Variants in KIF9 observed in about 807,000 individuals in gnomAD.
The protein encoded by KIF9 is kinesin-like protein KIF9.
KIF9 carries 68 observed loss-of-function variants against 94.8 expected under a neutral mutation model. The observed-to-expected ratio is 0.72, with a 90% CI of 0.59 to 0.88. The LOEUF is 0.88. KIF9 is among the 40% of genes least tolerant of loss of function. The pLI, the probability that KIF9 is intolerant of heterozygous loss-of-function variation, is 0.00. For missense variants in KIF9, 882 were observed against 982.5 expected, an observed-to-expected ratio of 0.90 and a Z score of 1.37; for synonymous variants, 343 against 362.1, an observed-to-expected ratio of 0.95 and a Z score of 0.60.
chr3:47,272,441 T>C (rs1701707807), intron 4 of KIF9, among the ~76,000 whole-genome samples: 1 of 152,218 alleles, frequency 6.6e-6, no homozygotes, highest in Admixed American at 6.5e-5. Context: ...TAAGTATGTC[T>C]GGAACAACTT....
intron 1 of KIF9, among the ~76,000 whole-genome samples, chr3:47,280,466 G>A (rs1702257957): frequency 6.6e-6 from 1 of 152,250 alleles, no homozygotes; most frequent in South Asian, 2.1e-4. Context: ...CAGCCTTTGG[G>A]AGGCCAATGT....
intron 20 of KIF9, among the ~76,000 whole-genome samples, chr3:47,230,968 G>A (rs1208247860): frequency 6.6e-6 from 1 of 152,102 alleles, no homozygotes; most frequent in South Asian, 2.1e-4. Context: ...CAACCCAGGG[G>A]GCAGAGGCTG....
At chr3:47,281,076 T>A in intron 1 of KIF9, 1 of 702,294 alleles carries the variant, frequency 1.4e-6, no homozygotes. Context: ...CCCCTCACAA[T>A]GTCCAGGGCA....
intron 1 of KIF9, among the ~76,000 whole-genome samples, chr3:47,280,365 G>T (rs772030231): frequency 1.3e-5 from 2 of 152,136 alleles, no homozygotes; most frequent in South Asian, 4.1e-4. Context: ...AGGTGCCCAG[G>T]CCTCTCTCCC....
chr3:47,282,794 G>A lies in KIF9; in HGVS notation c.-305C>T. On this transcript the variant is annotated 5_prime_UTR_variant, in exon 1 of 21. Coordinates refer to ENST00000684063, the MANE Select transcript of KIF9 (RefSeq NM_182902.4). The stretch of plus-strand genomic sequence containing the variant: ...GGGAACGAAGGCCGCACATGAACCA[G>A]GAAGCGGAGTGGCGGGGCTTCCGGC... 2.1e-6 allele frequency: 3 copies of A among 1,433,472 alleles called. No homozygotes were observed. The highest frequency in any genetic ancestry group is 2.7e-6 in the Non-Finnish European group (3 of 1,097,692). The allele number at this position is 1,433,472 out of a possible 1,614,324, so 88.8% of individuals were successfully genotyped here.
intron 16 of KIF9, 106 bp downstream of exon 16, chr3:47,242,945 A>G (rs1699671966): frequency 2.1e-6 from 2 of 943,518 alleles, no homozygotes; most frequent in Non-Finnish European, 3.1e-6. Context: ...GTCTTTGCCT[A>G]TTATTTCTTA....
In KIF9 at chr3:47,275,462, A is replaced by G. The variant is rs114848366; in HGVS notation, c.122T>C (p.Ile41Thr). 1.5e-4 allele frequency: 246 copies of G among 1,610,242 alleles called. 2 individuals are homozygous for G. In the African/African-American group the frequency reaches 2.9e-3, roughly 19 times the overall value. Residue 41 changes from isoleucine (I) to threonine (T), a missense_variant, in exon 3 of 21, where the codon ATT becomes ACT. Ile to Thr is a moderately conservative substitution (Grantham distance 89). Transcript: ENST00000684063. The part of the protein sequence containing the change: ...RSIDIHLKKD[I>T]RRGVVNNQQT... The stretch of plus-strand genomic sequence containing the variant: ...TTGGTTATTGACAACTCCTCTCCGA[A>G]TGTCTTTTTTTAAGTGAATATCAAT...
At chr3:47,250,511 C>CTTTTTTTTT in intron 10 of KIF9, 1 of 429,940 alleles carries the variant, frequency 2.3e-6, no homozygotes. Context: ...ATAAATGATA[C>CTTTTTTTTT]TTTTTTTTTC....
At chr3:47,246,047 C>A (rs1699902948) in intron 13 of KIF9, 150 bp downstream of exon 13, 1 of 619,576 alleles carries the variant, frequency 1.6e-6, no homozygotes, top group Non-Finnish European at 2.9e-6. Flanking sequence ...CACTGAATAT[C>A]CACCAGGGAC....
chr3:47,230,662 C>G (rs1698498633), intron 20 of KIF9, among the ~76,000 whole-genome samples: 2 of 150,584 alleles, frequency 1.3e-5, no homozygotes, highest in South Asian at 2.1e-4. Context: ...ACCTGGGAGG[C>G]AGAGGTTGCA....
chr3:47,245,347 C>T (rs1405271032), intron 14 of KIF9, 74 bp downstream of exon 14: 23 of 1,108,814 alleles, frequency 2.1e-5, no homozygotes, highest in Non-Finnish European at 2.9e-5. Context: ...TGCATTAATA[C>T]TTGCTGGCTC....
At chr3:47,280,997 G>A (rs1283086012) in intron 1 of KIF9, 1 of 702,912 alleles carries the variant, frequency 1.4e-6, no homozygotes, top group African/African-American at 1.7e-5. Context: ...ATTTGAGTGG[G>A]TTTCAGTTCC....
chr3:47,251,402 C>T (rs1372738751), intron 10 of KIF9, among the ~76,000 whole-genome samples: 1 of 152,092 alleles, frequency 6.6e-6, no homozygotes, highest in Non-Finnish European at 1.5e-5. Flanking sequence ...CCCATCTCTA[C>T]TAAAAATAAA....
At chr3:47,264,901 C>T (rs1701197100) in intron 8 of KIF9, among the ~76,000 whole-genome samples, 2 of 152,200 alleles carry the variant, frequency 1.3e-5, no homozygotes, top group African/African-American at 4.8e-5. Context: ...AGGAAAGAGA[C>T]CAGAACCCTC....
intron 1 of KIF9, chr3:47,280,809 T>C (rs1702283313): frequency 7.5e-6 from 5 of 664,682 alleles, no homozygotes; most frequent in African/African-American, 5.3e-5. Flanking sequence ...GGCCCTCCCA[T>C]GCTGACACCA....
intron 5 of KIF9, among the ~76,000 whole-genome samples, chr3:47,270,402 C>T (rs992184066): frequency 2.0e-5 from 3 of 151,216 alleles, no homozygotes; most frequent in South Asian, 4.2e-4. Flanking sequence ...TACAGGCACC[C>T]GCCACCACAC....
At chr3:47,258,612 A>C (rs1183819314) in intron 9 of KIF9, among the ~76,000 whole-genome samples, 1 of 152,016 alleles carries the variant, frequency 6.6e-6, no homozygotes, top group Non-Finnish European at 1.5e-5. Flanking sequence ...GTAGTGAGTG[A>C]GTTCTTATGA....
chr3:47,241,083 A>C, intron 16 of KIF9, 68 bp from the exon 17 acceptor site: 1 of 1,400,230 alleles, frequency 7.1e-7, no homozygotes, highest in South Asian at 1.2e-5. Context: ...CAGGCACTTC[A>C]TCTTTCTTCC....
At chr3:47,236,648 TGAG>T (rs1699049413) in intron 17 of KIF9, 29 bp from the exon 18 acceptor site, 1 of 1,606,780 alleles carries the variant, frequency 6.2e-7, no homozygotes, top group East Asian at 2.2e-5. Context: ...AGTCAGGAAA[TGAG>T]GAGGTGTCCA....
Sources: gnomAD v4.1 joint callset for allele counts (sites outside exome capture counted in the v4.1 genomes callset) on GRCh38, gnomAD v4.1.1 for gene constraint, MANE v1.5 for transcripts, NCBI Gene and HGNC (gene_info 2026-07-23, HGNC 2026-07-21) for gene names.